REV3L: variants seen among roughly 807,000 people sequenced by gnomAD.
REV3L encodes the protein DNA polymerase zeta catalytic subunit.
Under a neutral mutation model 299.4 loss-of-function variants are expected in REV3L, and 69 were observed. The observed-to-expected ratio is 0.23, with a 90% CI of 0.19 to 0.28. The LOEUF is 0.28. Among genes scored for constraint, REV3L ranks in the 10% least tolerant of loss-of-function variants. The pLI, the probability that REV3L is intolerant of heterozygous loss-of-function variation, is 1.00. For synonymous variants in REV3L, 1,238 were observed against 1,271.4 expected, an observed-to-expected ratio of 0.97 and a Z score of 0.56; for missense variants, 3,128 against 3,693.8, an observed-to-expected ratio of 0.85 and a Z score of 3.97.
chr6:111,318,091 TTC>T (rs1192803538), intron 26 of REV3L, among the ~76,000 whole-genome samples: 2 of 149,234 alleles, frequency 1.3e-5, no homozygotes, highest in Non-Finnish European at 3.0e-5. Context: ...TTTTTCTTTT[TTC>T]TTTTTTTTTT....
intron 5 of REV3L, among the ~76,000 whole-genome samples, chr6:111,391,526 A>G (rs1292748857): frequency 6.6e-6 from 1 of 152,240 alleles, no homozygotes; most frequent in Admixed American, 6.5e-5. Flanking sequence ...TCACAAGTAT[A>G]TATTTAGATG....
At chr6:111,306,813 T>C (rs1772363342) in intron 31 of REV3L, among the ~76,000 whole-genome samples, 2 of 152,236 alleles carry the variant, frequency 1.3e-5, no homozygotes, top group South Asian at 4.1e-4. Flanking sequence ...TAAGCACTAG[T>C]AGAGCAATTG....
chr6:111,424,000 GAGA>G (rs1002708986), intron 1 of REV3L, among the ~76,000 whole-genome samples: 27 of 152,328 alleles, frequency 1.8e-4, no homozygotes, highest in African/African-American at 6.5e-4. Context: ...ATCTGAGCTA[GAGA>G]AGAAGACAGA....
chr6:111,393,027 C>A, intron 4 of REV3L, 55 bp from the exon 5 acceptor site: 5 of 1,286,642 alleles, frequency 3.9e-6, no homozygotes, highest in South Asian at 2.6e-5. Flanking sequence ...CATATAATTA[C>A]TTTTTAGAAG....
intron 1 of REV3L, among the ~76,000 whole-genome samples, chr6:111,452,059 T>A (rs1289552784): frequency 6.6e-6 from 1 of 151,558 alleles, no homozygotes; most frequent in African/African-American, 2.4e-5. Flanking sequence ...AAGATTTGGA[T>A]ACTTCACCAA....
At chr6:111,411,976 T>G (rs1232479741) in intron 2 of REV3L, 27 of 985,274 alleles carry the variant, frequency 2.7e-5, no homozygotes, top group South Asian at 4.7e-5. Context: ...TTCAGCCGCC[T>G]TCTTCTGGCT....
At position 111,367,247 on chromosome 6, in the gene REV3L, C is replaced by T. The variant is rs1779321317; in HGVS notation, c.6541G>A (p.Val2181Met). 3 of 1,614,096 alleles carry T rather than the reference C, an allele frequency of 1.9e-6. No individual in the cohort carries two copies. The highest frequency in any genetic ancestry group is 2.5e-6 in the Non-Finnish European group (3 of 1,179,998). The change falls in exon 14 of 32, where the codon GTG becomes ATG. Residue 2181 changes from valine to methionine, a missense_variant. Around this residue, in one of 9 missense-constraint regions of REV3L, gnomAD observed 2,409 missense variants for 2,611.8 expected, o/e 0.92. Transcript: ENST00000368802. ...GCCCTAGTATTAATTGGAGATATCA[C>T]TAGAGGCTCTTGAGGCTCACTGCAG... ...SPCSEPQEPLVISPINTRART... is the reference protein window; with the variant it reads ...SPCSEPQEPLMISPINTRART...
At position 111,379,969 on chromosome 6, in the gene REV3L, A is replaced by G. The variant is rs757551731; in HGVS notation, c.1454+13T>C. On this transcript the variant is annotated intron_variant, in intron 11 of 31. Transcript: ENST00000368802. ...AAAAGTTAATAAAACAACTGCAATAACTAAAAAATTACCTCTTTTTGGCAC... is the reference window on the plus strand; with the variant it reads ...AAAAGTTAATAAAACAACTGCAATAGCTAAAAAATTACCTCTTTTTGGCAC... 3.3e-6 allele frequency: 5 copies of G among 1,501,892 alleles called. No individual in the cohort carries two copies. In the Admixed American group the frequency reaches 5.2e-5, roughly 16 times the overall value. 93.0% of individuals were successfully genotyped at this position (1,501,892 alleles called of 1,614,324 possible). A position where few individuals can be genotyped will look rare whatever the true frequency, so the allele number is the denominator to read the frequency against.
At chr6:111,448,009 T>G (rs917853578) in intron 1 of REV3L, among the ~76,000 whole-genome samples, 3 of 152,216 alleles carry the variant, frequency 2.0e-5, no homozygotes, top group African/African-American at 7.2e-5. Flanking sequence ...TTAATTGTAT[T>G]ATGAATCATG....
chr6:111,357,831 T>C (rs1778252589), intron 17 of REV3L, among the ~76,000 whole-genome samples: 1 of 152,258 alleles, frequency 6.6e-6, no homozygotes, highest in South Asian at 2.1e-4. Context: ...TAACCACCAC[T>C]TCTGCAGGAA....
At chr6:111,303,374 T>C (rs1042884937) in intron 31 of REV3L, among the ~76,000 whole-genome samples, 3 of 150,836 alleles carry the variant, frequency 2.0e-5, no homozygotes, top group Non-Finnish European at 4.4e-5. Flanking sequence ...TATTTTTAAT[T>C]TATTATTTTT....
Position 111,373,544 on chromosome 6 carries a change from A to T in REV3L, c.4811T>A (p.Leu1604Ter). 1 of 1,613,522 alleles carries T rather than the reference A, an allele frequency of 6.2e-7. No homozygotes were observed. Among genetic ancestry groups the T allele is most frequent in the Non-Finnish European group, 8.5e-7 (1 of 1,179,860 alleles). The change falls in exon 13 of 32, where the codon TTA becomes TAA. Residue 1604 changes from leucine to a stop codon, truncating the protein, a stop_gained. Coordinates refer to ENST00000368802, the MANE Select transcript of REV3L (RefSeq NM_001372078.1). LOFTEE classifies it high-confidence loss of function. ...KIPKLLKVDS[L>*]NLQNSSQLDN... is the part of the protein sequence containing the mutation. ...CAACTGGCTAGAGTTTTGTAAATTT[A>T]AAGAGTCTACTTTGAGAAGTTTGGG...
At chr6:111,454,079 C>A (rs764543232) in intron 1 of REV3L, among the ~76,000 whole-genome samples, 1 of 151,694 alleles carries the variant, frequency 6.6e-6, no homozygotes, top group Non-Finnish European at 1.5e-5. Context: ...ATATCCCATG[C>A]GCTTACACAC....
rs757159845 is a variant in REV3L, at chr6:111,329,703, A to C, written c.8070T>G (p.Leu2690=). ...TAAATCTAGTCTTCAAAATTTCTTCAAGCATTCTTGGTAGTACACCTTTTC... is the reference window on the plus strand; with the variant it reads ...TAAATCTAGTCTTCAAAATTTCTTCCAGCATTCTTGGTAGTACACCTTTTC... ...SVRKGVLPRM[L]EEILKTRFMV... is the part of the protein sequence containing the mutation. The change falls in exon 25 of 32, where the codon CTT becomes CTG. Residue 2690 remains leucine (L), a synonymous_variant. Transcript: ENST00000368802. The C allele has an allele frequency of 6.2e-7, 1 of 1,613,720 alleles. No individual in the cohort carries two copies. The highest frequency in any genetic ancestry group is 1.7e-5 in the Admixed American group (1 of 60,014).
intron 4 of REV3L, among the ~76,000 whole-genome samples, chr6:111,403,269 A>G (rs1783272906): frequency 6.6e-6 from 1 of 152,218 alleles, no homozygotes; most frequent in Non-Finnish European, 1.5e-5. Context: ...TACAGGTCAT[A>G]GGATTTCTTT....
chr6:111,313,529 C>T, intron 27 of REV3L, 40 bp from the exon 28 acceptor site: 1 of 1,554,364 alleles, frequency 6.4e-7, no homozygotes, highest in Non-Finnish European at 8.7e-7. Flanking sequence ...AAAACCATTT[C>T]CCCCCACCAA....
intron 1 of REV3L, among the ~76,000 whole-genome samples, chr6:111,479,733 A>G (rs1241230322): frequency 1.3e-5 from 2 of 151,398 alleles, no homozygotes; most frequent in Non-Finnish European, 2.9e-5. Context: ...CTGGTCTCCA[A>G]CTCCTGGGTT....
intron 4 of REV3L, among the ~76,000 whole-genome samples, chr6:111,400,430 G>A (rs1250115036): frequency 4.6e-5 from 7 of 152,120 alleles, no homozygotes; most frequent in South Asian, 2.1e-4. Flanking sequence ...CATTCTAATA[G>A]GTATATAGTG....
chr6:111,441,242 CTGT>C (rs1319425369), intron 1 of REV3L, among the ~76,000 whole-genome samples: 1 of 151,952 alleles, frequency 6.6e-6, no homozygotes, highest in African/African-American at 2.4e-5. Flanking sequence ...CTTTTTGTTA[CTGT>C]TGTTGTTGTC....
Sources: allele counts gnomAD v4.1 joint callset (sites outside exome capture counted in the v4.1 genomes callset), GRCh38; gene constraint gnomAD v4.1.1; regional missense constraint gnomAD v4.1.1; transcripts MANE v1.5; gene names NCBI Gene and HGNC (gene_info 2026-07-23, HGNC 2026-07-21).